The following DNAJC13 variants were observed in gnomAD, a reference collection of about 807,000 sequenced individuals.
The protein encoded by DNAJC13 is dnaJ homolog subfamily C member 13.
DNAJC13 carries 75 observed loss-of-function variants against 290.5 expected under a neutral mutation model. That is an observed-to-expected ratio of 0.26 (90% CI 0.21 to 0.31). DNAJC13 has a LOEUF of 0.31. DNAJC13 is among the 10% of genes least tolerant of loss of function. The probability of loss-of-function intolerance (pLI) is 1.00; values close to 1 mark genes in which losing one functional copy is unlikely to be tolerated. For synonymous variants in DNAJC13, 862 were observed against 892.0 expected (o/e 0.97, Z 0.60); for missense variants, 2,260 against 2,674.5 (o/e 0.85, Z 3.42).
chr3:132,429,508 A>G (rs1157738350), intron 1 of DNAJC13, among the ~76,000 whole-genome samples: 1 of 152,222 alleles, frequency 6.6e-6, no homozygotes, highest in Admixed American at 6.5e-5. Flanking sequence ...AATGAAATAA[A>G]TGCATGGTAA....
In DNAJC13 at chr3:132,466,928, G is replaced by A. The variant is rs564091470; in HGVS notation, c.2065-242G>A. 3.3e-5 allele frequency among the ~76,000 whole-genome samples: 5 copies of A among 152,160 alleles called. No individual in the cohort carries two copies. In the South Asian group the frequency reaches 1.0e-3, roughly 32 times the overall value. On this transcript the variant is annotated intron_variant, in intron 19 of 55. Coordinates refer to ENST00000260818, the MANE Select transcript of DNAJC13 (RefSeq NM_015268.4). Reference sequence around the variant, plus strand: ...CTTTTTCTGTCATCACTCCTTCTCTGTCTGCACCCAGCTCCCACTTGCATC... The same window carrying A: ...CTTTTTCTGTCATCACTCCTTCTCTATCTGCACCCAGCTCCCACTTGCATC...
At chr3:132,493,625 TC>T (rs905664411) in intron 33 of DNAJC13, among the ~76,000 whole-genome samples, 1 of 152,092 alleles carries the variant, frequency 6.6e-6, no homozygotes, top group Non-Finnish European at 1.5e-5. Flanking sequence ...GCTTTTTTTT[TC>T]CCATTTGCTA....
chr3:132,472,628 G>A, intron 20 of DNAJC13: 1 of 974,528 alleles, frequency 1.0e-6, no homozygotes, highest in Non-Finnish European at 1.2e-6. Context: ...GGCATGTGGA[G>A]TCATCTTTGA....
chr3:132,458,853 A>G (rs1438374169), intron 13 of DNAJC13, among the ~76,000 whole-genome samples: 1 of 152,204 alleles, frequency 6.6e-6, no homozygotes, highest in Non-Finnish European at 1.5e-5. Context: ...ATTACCCTTC[A>G]TAAATATTAC....
At chr3:132,511,559 GAATTA>G (rs1229522525) in intron 44 of DNAJC13, among the ~76,000 whole-genome samples, 1 of 152,138 alleles carries the variant, frequency 6.6e-6, no homozygotes, top group African/African-American at 2.4e-5. Flanking sequence ...ATAAGTGCTT[GAATTA>G]GATTTATTTA....
intron 9 of DNAJC13, among the ~76,000 whole-genome samples, chr3:132,455,156 C>T (rs1404551573): frequency 6.6e-6 from 1 of 151,998 alleles, no homozygotes; most frequent in Admixed American, 6.6e-5. Context: ...ATATACAGAA[C>T]TCTTACAACT....
chr3:132,442,277 G>A (rs919527463), intron 2 of DNAJC13, among the ~76,000 whole-genome samples: 4 of 152,154 alleles, frequency 2.6e-5, no homozygotes, highest in East Asian at 1.9e-4. Flanking sequence ...GATTACAGGC[G>A]TGAGCCACTG....
chr3:132,458,002 A>G (rs1201220401), intron 13 of DNAJC13: 2 of 152,286 alleles, frequency 1.3e-5, no homozygotes, highest in Non-Finnish European at 1.5e-5. Context: ...GCAAGAGAGC[A>G]GTAATGTGAT....
In DNAJC13 at chr3:132,471,120, A is replaced by AC. The variant is rs1159318431; in HGVS notation, c.2209-2018dup. On this transcript the variant is annotated intron_variant, in intron 20 of 55. Coordinates refer to ENST00000260818, the MANE Select transcript of DNAJC13 (RefSeq NM_015268.4). ...GGCGGCTGGCCGGGTGGGGGGGCTG[A>AC]CCCCCCCATCTCCCTCCTGGACGGG... is the stretch of plus-strand genomic sequence containing the variant. Among the ~76,000 whole-genome samples, 259 of 105,312 alleles carry AC rather than the reference A, an allele frequency of 2.5e-3. 5 individuals carry two copies. Among genetic ancestry groups the AC allele is most frequent in the Admixed American group, 6.4e-3 (63 of 9,902 alleles). The allele number at this position is 105,312 out of a possible 152,430, so 69.1% of individuals were successfully genotyped here. A position where few individuals can be genotyped will look rare whatever the true frequency, so the allele number is the denominator to read the frequency against.
At chr3:132,537,077 T>C (rs1936613698) in intron 55 of DNAJC13, 1 of 455,368 alleles carries the variant, frequency 2.2e-6, no homozygotes, top group Non-Finnish European at 4.4e-6. Flanking sequence ...CCAATCCCTG[T>C]TTCTACCTTC....
intron 54 of DNAJC13, among the ~76,000 whole-genome samples, chr3:132,528,650 G>C (rs1476343064): frequency 6.6e-6 from 1 of 152,154 alleles, no homozygotes; most frequent in East Asian, 1.9e-4. Context: ...AGCTCTAGGA[G>C]TTATTCATGG....
Position 132,456,556 on chromosome 3 carries a change from A to G in DNAJC13, c.1155A>G (p.Gly385=). The G allele has an allele frequency of 6.2e-7, 1 of 1,613,990 alleles. No individual in the cohort carries two copies. Among genetic ancestry groups the G allele is most frequent in the Non-Finnish European group, 8.5e-7 (1 of 1,179,890 alleles). The change falls in exon 11 of 56, where the codon GGA becomes GGG. Residue 385 remains glycine, a synonymous_variant. Coordinates refer to ENST00000260818, the MANE Select transcript of DNAJC13 (RefSeq NM_015268.4). The part of the protein sequence containing the change: ...FRFNANISYS[G]VLHAVTQDGL... ...TCAATGCTAATATTTCATACAGTGG[A>G]GTCCTACATGCAGTAACACAAGATG...
intron 55 of DNAJC13, among the ~76,000 whole-genome samples, chr3:132,535,681 C>T (rs1475954235): frequency 2.0e-5 from 3 of 152,116 alleles, no homozygotes; most frequent in African/African-American, 4.8e-5. Context: ...ATCGTGGTAG[C>T]CAATTCAGTT....
intron 9 of DNAJC13, 37 bp from the exon 10 acceptor site, chr3:132,456,198 A>C: frequency 6.3e-7 from 1 of 1,594,490 alleles, no homozygotes; most frequent in Non-Finnish European, 8.5e-7. Flanking sequence ...CTTAATCATC[A>C]ATGCTAAAAC....
chr3:132,485,484 G>C (rs1210408142), intron 29 of DNAJC13, among the ~76,000 whole-genome samples: 2 of 152,214 alleles, frequency 1.3e-5, no homozygotes, highest in Non-Finnish European at 2.9e-5. Flanking sequence ...GGAAGATTGA[G>C]CCTAAACATG....
chr3:132,439,014 T>C (rs948066606), intron 2 of DNAJC13, among the ~76,000 whole-genome samples: 1 of 152,208 alleles, frequency 6.6e-6, no homozygotes, highest in African/African-American at 2.4e-5. Context: ...GCAGATTCAC[T>C]GTGGAAAAAC....
intron 24 of DNAJC13, among the ~76,000 whole-genome samples, chr3:132,478,663 G>A (rs1934552614): frequency 6.6e-6 from 1 of 152,220 alleles, no homozygotes; most frequent in African/African-American, 2.4e-5. Flanking sequence ...TCACCTGGAA[G>A]TGGGAGGATC....
rs3762674 is a variant in DNAJC13, at chr3:132,516,178, G to T, written c.5486-244G>T. On this transcript the variant is annotated intron_variant, in intron 46 of 55. Coordinates refer to ENST00000260818, the MANE Select transcript of DNAJC13 (RefSeq NM_015268.4). ...GTGGTTATGAATATGGACTTTGGAG[G>T]CAGACCTGCATACAAAACTCAACTA... Among the ~76,000 whole-genome samples the T allele has an allele frequency of 0.5, 76,195 of 152,004 alleles. 22,393 individuals are homozygous for T. The highest frequency in any genetic ancestry group is 0.8 in the African/African-American group (33,325 of 41,442).
At chr3:132,447,268 A>T in intron 3 of DNAJC13, 53 bp from the exon 4 acceptor site, 1 of 1,351,406 alleles carries the variant, frequency 7.4e-7, no homozygotes, top group Non-Finnish European at 9.7e-7. Flanking sequence ...AAAAATAAGC[A>T]TTACATTTTA....
Sources: allele counts gnomAD v4.1 joint callset (sites outside exome capture counted in the v4.1 genomes callset), GRCh38; gene constraint gnomAD v4.1.1; transcripts MANE v1.5; gene names NCBI Gene and HGNC (gene_info 2026-07-23, HGNC 2026-07-21).